ATRNL1: variants seen among roughly 807,000 people sequenced by gnomAD.
ATRNL1 encodes the protein attractin-like protein 1.
A neutral mutation model predicts 182.7 loss-of-function variants in ATRNL1; 95 were observed. That is an observed-to-expected ratio of 0.52 (90% CI 0.44 to 0.62). The LOEUF (loss-of-function observed/expected upper bound fraction) is 0.62. Ranked by LOEUF, ATRNL1 falls within the 20% of genes least tolerant of loss-of-function variation. The pLI, the probability that ATRNL1 is intolerant of heterozygous loss-of-function variation, is 0.00. For synonymous variants in ATRNL1, 576 were observed against 568.3 expected (o/e 1.01, Z -0.19); for missense variants, 1,471 against 1,679.5 (o/e 0.88, Z 2.17).
intron 26 of ATRNL1, among the ~76,000 whole-genome samples, chr10:115,605,513 T>C (rs1484988520): frequency 1.3e-5 from 2 of 152,094 alleles, no homozygotes; most frequent in Admixed American, 1.3e-4. Context: ...TAACTTATGA[T>C]AGTTTGATTT....
At chr10:115,234,352 A>G (rs190668763) in intron 9 of ATRNL1, among the ~76,000 whole-genome samples, 3 of 152,038 alleles carry the variant, frequency 2.0e-5, no homozygotes, top group Admixed American at 1.3e-4. Context: ...GCATTTATTT[A>G]TATCTCCCTA....
intron 1 of ATRNL1, among the ~76,000 whole-genome samples, chr10:115,098,451 T>TTA: frequency 8.0e-6 from 1 of 125,784 alleles, no homozygotes; most frequent in African/African-American, 3.1e-5. Flanking sequence ...AAATACTAGT[T>TTA]TCTTTTTTTT....
At chr10:115,656,965 G>T (rs1565256201) in intron 26 of ATRNL1, among the ~76,000 whole-genome samples, 1 of 152,064 alleles carries the variant, frequency 6.6e-6, no homozygotes, top group Non-Finnish European at 1.5e-5. Flanking sequence ...AGTGTTTGAG[G>T]TCTTTAGTTA....
At chr10:115,107,823 T>C (rs1844082873) in intron 1 of ATRNL1, among the ~76,000 whole-genome samples, 1 of 152,128 alleles carries the variant, frequency 6.6e-6, no homozygotes, top group Non-Finnish European at 1.5e-5. Flanking sequence ...CCTGGTTTGC[T>C]TGAACAGTGA....
At chr10:115,506,858 A>C (rs899165758) in intron 24 of ATRNL1, among the ~76,000 whole-genome samples, 1 of 152,190 alleles carries the variant, frequency 6.6e-6, no homozygotes, top group East Asian at 1.9e-4. Context: ...CCTTGTGGTT[A>C]CCAAAATGTG....
chr10:115,516,110 C>T (rs1415496802), intron 24 of ATRNL1, among the ~76,000 whole-genome samples: 2 of 151,890 alleles, frequency 1.3e-5, no homozygotes, highest in African/African-American at 4.8e-5. Context: ...CTGTGAGCTT[C>T]AAGCTAGTAG....
intron 10 of ATRNL1, among the ~76,000 whole-genome samples, chr10:115,261,437 G>A (rs1339233782): frequency 1.3e-5 from 2 of 152,122 alleles, no homozygotes; most frequent in South Asian, 2.1e-4. Context: ...TTATGATGAT[G>A]TAATAGGCCT....
At chr10:115,383,379 A>G (rs782429355) in intron 19 of ATRNL1, among the ~76,000 whole-genome samples, 13 of 151,860 alleles carry the variant, frequency 8.6e-5, no homozygotes, top group African/African-American at 2.7e-4. Flanking sequence ...GAAAATCTTC[A>G]TATCTTTGTG....
intron 9 of ATRNL1, among the ~76,000 whole-genome samples, chr10:115,238,965 C>A (rs868994040): frequency 5.3e-5 from 8 of 152,132 alleles, no homozygotes; most frequent in African/African-American, 1.9e-4. Context: ...AATGCTTTTT[C>A]TCCATCTATT....
At chr10:115,679,731 C>A (rs782572354) in intron 26 of ATRNL1, among the ~76,000 whole-genome samples, 13 of 151,964 alleles carry the variant, frequency 8.6e-5, no homozygotes, top group Non-Finnish European at 1.6e-4. Flanking sequence ...TTTAATGGGC[C>A]TCTGTCATTC....
At chr10:115,493,301 G>T (rs754884343) in intron 24 of ATRNL1, among the ~76,000 whole-genome samples, 126 of 151,930 alleles carry the variant, frequency 8.3e-4, no homozygotes, top group Non-Finnish European at 1.5e-3. Flanking sequence ...TGTGTATATT[G>T]TTCCCTTCTT....
intron 26 of ATRNL1, among the ~76,000 whole-genome samples, chr10:115,650,999 ATCTACATGTGCTTCAATACATATACTTAG>A (rs1859956682): frequency 6.6e-6 from 1 of 152,154 alleles, no homozygotes. Context: ...ATCTAAGAAT[ATCTACATGTGCTTCAATACATATACTTAG>A]TTCTAGGCAG....
rs960513397 is a variant in ATRNL1 at position 115,476,475 on chromosome 10, A to G, written c.3654+7146A>G. 2.6e-5 allele frequency among the ~76,000 whole-genome samples: 4 copies of G among 151,046 alleles called. No individual in the cohort carries two copies. In the Admixed American group the frequency reaches 2.7e-4, roughly 10 times the overall value. On this transcript the variant is annotated intron_variant, in intron 24 of 28. Coordinates refer to ENST00000355044, the MANE Select transcript of ATRNL1 (RefSeq NM_207303.4). ...TTTCTACTTTTTCTATCAATTACTGAGAATATTTTGGAAATTTCCAGCTAT... is the reference window on the plus strand; with the variant it reads ...TTTCTACTTTTTCTATCAATTACTGGGAATATTTTGGAAATTTCCAGCTAT...
intron 27 of ATRNL1, among the ~76,000 whole-genome samples, chr10:115,846,235 G>T (rs1435057225): frequency 6.6e-6 from 1 of 151,806 alleles, no homozygotes; most frequent in African/African-American, 2.4e-5. Context: ...TATATTGAAT[G>T]CTCCCAAAAT....
At chr10:115,129,592 A>T in intron 5 of ATRNL1, 57 bp downstream of exon 5, 1 of 1,427,406 alleles carries the variant, frequency 7.0e-7, no homozygotes, top group Non-Finnish European at 9.8e-7. Flanking sequence ...GTAATAGATT[A>T]ATACAAATTC....
At chr10:115,205,066 T>C (rs1848744928) in intron 8 of ATRNL1, among the ~76,000 whole-genome samples, 1 of 152,096 alleles carries the variant, frequency 6.6e-6, no homozygotes, top group Non-Finnish European at 1.5e-5. Context: ...TTTATGTTTT[T>C]GGTGTGACGA....
Position 115,894,285 on chromosome 10 carries a change from G to A in ATRNL1, c.4018+46294G>A, listed in dbSNP as rs112915589. 1.7e-3 allele frequency among the ~76,000 whole-genome samples: 256 copies of A among 152,226 alleles called. 1 individual carries two copies. The highest frequency in any genetic ancestry group is 5.0e-3 in the African/African-American group (208 of 41,540). ...CAATTAATGACTGCAGCCGAATTTC[G>A]GCTCTTGTGTTCCGTCTTCCTAATT... On this transcript the variant is annotated intron_variant, in intron 28 of 28. Transcript: ENST00000355044.
intron 27 of ATRNL1, among the ~76,000 whole-genome samples, chr10:115,745,118 C>G (rs1335685297): frequency 2.0e-5 from 3 of 151,614 alleles, no homozygotes; most frequent in African/African-American, 7.3e-5. Flanking sequence ...CCCAGAACAT[C>G]ATGAAAATGG....
chr10:115,353,509 A>G (rs1856363753), intron 19 of ATRNL1, among the ~76,000 whole-genome samples: 1 of 152,014 alleles, frequency 6.6e-6, no homozygotes, highest in African/African-American at 2.4e-5. Flanking sequence ...TCTTGTTTTA[A>G]TCCATTCAGC....
Sources: allele counts gnomAD v4.1 joint callset (sites outside exome capture counted in the v4.1 genomes callset), GRCh38; gene constraint gnomAD v4.1.1; transcripts MANE v1.5; gene names NCBI Gene and HGNC (gene_info 2026-07-23, HGNC 2026-07-21).